RNF157: variants seen among roughly 807,000 people sequenced by gnomAD.
RNF157 encodes the protein E3 ubiquitin ligase RNF157.
Under a neutral mutation model 88.3 loss-of-function variants are expected in RNF157, and 55 were observed. The ratio of observed to expected loss-of-function variants is 0.62; its 90% CI spans 0.50 to 0.78. RNF157 has a LOEUF of 0.78. RNF157 is among the 30% of genes least tolerant of loss of function. The pLI, the probability that RNF157 is intolerant of heterozygous loss-of-function variation, is 0.00. For synonymous variants in RNF157, 334 were observed against 341.2 expected (o/e 0.98, Z 0.23); for missense variants, 788 against 860.8 (o/e 0.92, Z 1.06).
At chr17:76,180,710 C>A (rs916399043) in intron 2 of RNF157, among the ~76,000 whole-genome samples, 1 of 152,156 alleles carries the variant, frequency 6.6e-6, no homozygotes, top group Non-Finnish European at 1.5e-5. Flanking sequence ...GAGGTGTAAG[C>A]CACCACACCT....
In RNF157 at chr17:76,166,510, G is replaced by T. The variant is rs2068927592; in HGVS notation, c.579C>A (p.Asp193Glu). 6.2e-7 allele frequency: 1 copy of T among 1,613,722 alleles called. No homozygotes were observed. The highest frequency in any genetic ancestry group is 1.3e-5 in the African/African-American group (1 of 74,848). The change falls in exon 6 of 19, where the codon GAC (aspartate) becomes GAA (glutamate). Residue 193 changes from aspartate to glutamate, a missense_variant. By Grantham distance (45) the Asp-to-Glu change is conservative (BLOSUM62 2). Coordinates refer to ENST00000269391, the MANE Select transcript of RNF157 (RefSeq NM_052916.3). ...GTACCACTAGAGGGTAAACTTCTCG[G>T]TCTAAATCAAAGCCAAGCTGAAGGG... Reference protein sequence around the residue: ...WAEEELGFDLDREVYPLVVHA... With the variant: ...WAEEELGFDLEREVYPLVVHA...
intron 1 of RNF157, among the ~76,000 whole-genome samples, chr17:76,214,125 C>T (rs2069848722): frequency 1.3e-5 from 2 of 152,128 alleles, no homozygotes; most frequent in Admixed American, 6.6e-5. Context: ...CTGGGGCTTG[C>T]GATGGGCATC....
chr17:76,215,385 G>A (rs1185166294), intron 1 of RNF157, among the ~76,000 whole-genome samples: 1 of 151,912 alleles, frequency 6.6e-6, no homozygotes, highest in Non-Finnish European at 1.5e-5. Flanking sequence ...TGACGCAGAA[G>A]GGTCGCTTGA....
intron 18 of RNF157, chr17:76,147,470 T>C: frequency 6.8e-6 from 2 of 292,268 alleles, no homozygotes; most frequent in Non-Finnish European, 1.0e-5. Flanking sequence ...CTGTCCTGAC[T>C]CTGAATTCAC....
intron 2 of RNF157, among the ~76,000 whole-genome samples, chr17:76,204,263 C>G (rs940163505): frequency 6.6e-6 from 1 of 152,208 alleles, no homozygotes; most frequent in African/African-American, 2.4e-5. Context: ...AGATGCCTCT[C>G]CTCATCTCCC....
rs188690321 is a variant in RNF157, at chr17:76,158,720, G to A, written c.1305-219C>T. 1.3e-3 allele frequency among the ~76,000 whole-genome samples: 199 copies of A among 152,230 alleles called. 1 individual carries two copies. Among genetic ancestry groups the A allele is most frequent in the East Asian group, 5.8e-4 (3 of 5,182 alleles). The stretch of plus-strand genomic sequence containing the variant: ...GAGGAGTACAGCCTCCTGAGTAGCC[G>A]AGTAGGTCTGGGCTAACTTGCCTGG... On this transcript the variant is annotated intron_variant, in intron 12 of 18. Coordinates refer to ENST00000269391, the MANE Select transcript of RNF157 (RefSeq NM_052916.3).
chr17:76,197,433 C>T (rs1326722985), intron 2 of RNF157, among the ~76,000 whole-genome samples: 1 of 152,034 alleles, frequency 6.6e-6, no homozygotes, highest in Non-Finnish European at 1.5e-5. Flanking sequence ...AAGGCTGAGG[C>T]GGGAAGATCA....
chr17:76,201,772 C>T (rs1045511974), intron 2 of RNF157, among the ~76,000 whole-genome samples: 1 of 151,922 alleles, frequency 6.6e-6, no homozygotes, highest in Non-Finnish European at 1.5e-5. Context: ...TCTCAGTGGA[C>T]GCAGATCTAT....
chr17:76,193,845 A>G (rs2069427270), intron 2 of RNF157, among the ~76,000 whole-genome samples: 1 of 152,174 alleles, frequency 6.6e-6, no homozygotes, highest in African/African-American at 2.4e-5. Flanking sequence ...CAGATCTGAG[A>G]TTAGCGCCTG....
intron 2 of RNF157, among the ~76,000 whole-genome samples, chr17:76,204,573 T>A (rs141045829): frequency 3.9e-5 from 6 of 152,192 alleles, no homozygotes; most frequent in Non-Finnish European, 5.9e-5. Flanking sequence ...CATGTTCTCT[T>A]TTTTTGCCAC....
chr17:76,155,577 G>C lies in RNF157; in HGVS notation c.1683C>G (p.Pro561=), dbSNP rs749433492. ...CTTCCCTTACCTCTCCTTCTTCTGA[G>C]GGGGCCCTGCTGGCAGGCTGGGGGG... is the stretch of plus-strand genomic sequence containing the variant. ...LSSPQPASRA[P]SEEGEGLPAE... Residue 561 remains proline (P), a synonymous_variant, in exon 15 of 19, where the codon CCC becomes CCG. Transcript: ENST00000269391. The C allele has an allele frequency of 1.2e-6, 2 of 1,612,520 alleles. No individual in the cohort carries two copies. The highest frequency in any genetic ancestry group is 8.5e-7 in the Non-Finnish European group (1 of 1,179,560).
intron 3 of RNF157, among the ~76,000 whole-genome samples, chr17:76,169,137 T>C (rs936240175): frequency 1.6e-4 from 25 of 152,362 alleles, no homozygotes; most frequent in Non-Finnish European, 2.9e-5. Flanking sequence ...AACCCGTTAG[T>C]TGGATGTCAG....
At chr17:76,215,160 C>T in intron 1 of RNF157, among the ~76,000 whole-genome samples, 1 of 152,014 alleles carries the variant, frequency 6.6e-6, no homozygotes, top group East Asian at 1.9e-4. Context: ...AGATTTGTAG[C>T]AGGCAGGGTG....
At position 76,161,412 on chromosome 17, in the gene RNF157, T is replaced by C; in HGVS notation, c.1065+123A>G. 1 of 783,802 alleles carries C rather than the reference T, an allele frequency of 1.3e-6. No homozygotes were observed. The highest frequency in any genetic ancestry group is 2.2e-6 in the Non-Finnish European group (1 of 459,272). 48.6% of individuals were successfully genotyped at this position (783,802 alleles called of 1,614,324 possible). ...TAACGCATGCTCTCAGCCGGCTTGCTAAATACTGCAGCATGCCCTGGTCTA... is the reference window on the plus strand; with the variant it reads ...TAACGCATGCTCTCAGCCGGCTTGCCAAATACTGCAGCATGCCCTGGTCTA... On this transcript the variant is annotated intron_variant, in intron 11 of 18. Coordinates refer to ENST00000269391, the MANE Select transcript of RNF157 (RefSeq NM_052916.3). This position sits in a 1 kb window ranked among gnomAD's most constrained non-coding sequence, Gnocchi z 4.6.
At chr17:76,189,609 G>A (rs1358495162) in intron 2 of RNF157, among the ~76,000 whole-genome samples, 1 of 152,204 alleles carries the variant, frequency 6.6e-6, no homozygotes, top group Non-Finnish European at 1.5e-5. Flanking sequence ...ACAAGGAACT[G>A]GTTAAATGGA....
chr17:76,233,180 A>G (rs777230915), intron 1 of RNF157, among the ~76,000 whole-genome samples: 2 of 152,172 alleles, frequency 1.3e-5, no homozygotes, highest in Non-Finnish European at 2.9e-5. Context: ...TCAGCCTCCC[A>G]AAGTGCTGGG....
intron 1 of RNF157, among the ~76,000 whole-genome samples, chr17:76,239,358 C>T (rs2070334070): frequency 1.3e-5 from 2 of 152,156 alleles, no homozygotes; most frequent in Non-Finnish European, 2.9e-5. Context: ...AGGCTAGAGA[C>T]ATTTAAGTGA....
At chr17:76,238,006 C>T (rs916813557) in intron 1 of RNF157, among the ~76,000 whole-genome samples, 2 of 151,682 alleles carry the variant, frequency 1.3e-5, no homozygotes, top group Non-Finnish European at 2.9e-5. Flanking sequence ...ATTGCTTGAA[C>T]CCTAGAGGCA....
intron 2 of RNF157, among the ~76,000 whole-genome samples, chr17:76,210,518 A>G (rs1230084812): frequency 3.1e-5 from 4 of 128,010 alleles, no homozygotes; most frequent in Non-Finnish European, 6.3e-5. Context: ...TGAACCCGGG[A>G]GGCAGAGCTT....
Sources: allele counts gnomAD v4.1 joint callset (sites outside exome capture counted in the v4.1 genomes callset), GRCh38; gene constraint gnomAD v4.1.1; non-coding constraint Gnocchi (gnomAD v3.1); transcripts MANE v1.5; gene names NCBI Gene and HGNC (gene_info 2026-07-23, HGNC 2026-07-21).